The following XYLB variants were observed in gnomAD, a reference collection of about 807,000 sequenced individuals.
The protein encoded by XYLB is xylulokinase.
In XYLB, 62 loss-of-function variants were observed where a neutral mutation model predicts 78.7. That is an observed-to-expected ratio of 0.79 (90% CI 0.64 to 0.97). The LOEUF (loss-of-function observed/expected upper bound fraction) is 0.97, where lower values mean the gene tolerates loss of function less well. Among genes scored for constraint, XYLB ranks in the 50% least tolerant of loss-of-function variants. The probability of loss-of-function intolerance (pLI) is 0.00; values close to 1 mark genes in which losing one functional copy is unlikely to be tolerated. For synonymous variants in XYLB, 245 were observed against 247.4 expected, an observed-to-expected ratio of 0.99 and a Z score of 0.09; for missense variants, 687 against 676.8, an observed-to-expected ratio of 1.02 and a Z score of -0.17.
chr3:38,416,219 T>TA (rs1415539384), downstream of XYLB, among the ~76,000 whole-genome samples: 1 of 151,928 alleles, frequency 6.6e-6, no homozygotes, highest in African/African-American at 2.4e-5. Context: ...AAGAGGAAAA[T>TA]ACAAAGAACT....
chr3:38,449,531 T>C, the XYLB span, among the ~76,000 whole-genome samples: 4 of 152,240 alleles, frequency 2.6e-5, no homozygotes, highest in African/African-American at 9.6e-5. Flanking sequence ...GTGCTGGGAT[T>C]ACAGGCATAA....
chr3:38,386,877 T>G (rs1473466298), intron 15 of XYLB, among the ~76,000 whole-genome samples: 1 of 152,214 alleles, frequency 6.6e-6, no homozygotes, highest in East Asian at 1.9e-4. Context: ...TTTTACTTCA[T>G]ATTAAAATAA....
chr3:38,369,641 C>G (rs1482416144), intron 8 of XYLB, among the ~76,000 whole-genome samples: 1 of 152,138 alleles, frequency 6.6e-6, no homozygotes, highest in East Asian at 1.9e-4. Flanking sequence ...ATCTCAGTGA[C>G]CAGAAGGAAG....
At chr3:38,348,420 T>A in intron 1 of XYLB, 130 bp from the exon 2 acceptor site, 2 of 745,296 alleles carry the variant, frequency 2.7e-6, no homozygotes, top group Non-Finnish European at 4.5e-6. Flanking sequence ...GAGGCAGCCC[T>A]GCCTTCAAGG....
chr3:38,409,058 C>A (rs1019003561), intron 18 of XYLB, among the ~76,000 whole-genome samples: 3 of 152,180 alleles, frequency 2.0e-5, no homozygotes, highest in African/African-American at 7.2e-5. Context: ...CATCCTGATA[C>A]CAAAGCCGGG....
intron 10 of XYLB, 98 bp from the exon 11 acceptor site, chr3:38,374,364 G>T: frequency 6.4e-7 from 1 of 1,560,506 alleles, no homozygotes; most frequent in Non-Finnish European, 8.8e-7. Flanking sequence ...GGTGGGGGTT[G>T]GAGGTGGGGG....
intron 15 of XYLB, among the ~76,000 whole-genome samples, chr3:38,381,010 CCT>C (rs2125615735): frequency 6.6e-6 from 1 of 152,258 alleles, no homozygotes; most frequent in East Asian, 1.9e-4. Context: ...GTGGCTCACA[CCT>C]GTAATCTCCA....
intron 18 of XYLB, among the ~76,000 whole-genome samples, chr3:38,408,044 T>C (rs1708404515): frequency 6.6e-6 from 1 of 151,944 alleles, no homozygotes; most frequent in South Asian, 2.1e-4. Context: ...CTAATAGACA[T>C]CTACAGAACT....
downstream of XYLB, among the ~76,000 whole-genome samples, chr3:38,421,909 C>T (rs1374767087): frequency 1.3e-5 from 2 of 152,138 alleles, no homozygotes; most frequent in Non-Finnish European, 2.9e-5. Context: ...TGAGCAGTGC[C>T]TCGAGCAACC....
intron 18 of XYLB, among the ~76,000 whole-genome samples, chr3:38,402,855 G>C (rs917965224): frequency 2.0e-5 from 3 of 152,104 alleles, no homozygotes; most frequent in Non-Finnish European, 1.5e-5. Flanking sequence ...AACATAATGT[G>C]AGCCACATAT....
At position 38,374,476 on chromosome 3, in the gene XYLB, A is replaced by T; in HGVS notation, c.862A>T (p.Met288Leu). The change falls in exon 11 of 19, where the codon ATG becomes TTG. Residue 288 changes from methionine (M) to leucine (L), a missense_variant. Physicochemically the swap from Met to Leu is conservative, Grantham distance 15. Transcript: ENST00000207870. ...CCCATTCTCAGCGTCGCTGGCAGGCATGAGACTGGAGGAAGGTGACATTGC... is the reference window on the plus strand; with the variant it reads ...CCCATTCTCAGCGTCGCTGGCAGGCTTGAGACTGGAGGAAGGTGACATTGC... ...TGDNPASLAG[M>L]RLEEGDIAVS... 2 of 1,613,518 alleles carry T rather than the reference A, an allele frequency of 1.2e-6. No homozygotes were observed. The highest frequency in any genetic ancestry group is 1.7e-6 in the Non-Finnish European group (2 of 1,179,684).
chr3:38,418,498 A>G (rs1380030070), downstream of XYLB, among the ~76,000 whole-genome samples: 2 of 152,334 alleles, frequency 1.3e-5, no homozygotes, highest in African/African-American at 2.4e-5. Flanking sequence ...ACAAGACAAC[A>G]TATGTATAAG....
At chr3:38,401,931 C>T (rs540199628) in intron 18 of XYLB, among the ~76,000 whole-genome samples, 2 of 152,246 alleles carry the variant, frequency 1.3e-5, no homozygotes, top group Admixed American at 6.5e-5. Context: ...ACCTGACTTG[C>T]AAGCTAACAA....
At chr3:38,365,129 T>C in intron 4 of XYLB, 70 bp from the exon 5 acceptor site, 1 of 1,468,738 alleles carries the variant, frequency 6.8e-7, no homozygotes. Flanking sequence ...GTCTGGGGTC[T>C]TTCTGTGTCT....
intron 6 of XYLB, 136 bp downstream of exon 6, chr3:38,365,872 G>A: frequency 7.3e-7 from 1 of 1,364,640 alleles, no homozygotes; most frequent in Admixed American, 2.8e-5. Flanking sequence ...TCTGGCCCCT[G>A]GGTCCTGATC....
At chr3:38,362,899 T>C in intron 3 of XYLB, 38 bp from the exon 4 acceptor site, 2 of 1,472,478 alleles carry the variant, frequency 1.4e-6, no homozygotes, top group Non-Finnish European at 9.1e-7. Flanking sequence ...GATTCAGTGG[T>C]TCTGTACAGT....
chr3:38,373,193 C>CCTAG (rs1706666290), intron 10 of XYLB, among the ~76,000 whole-genome samples: 1 of 152,174 alleles, frequency 6.6e-6, no homozygotes, highest in African/African-American at 2.4e-5. Context: ...CATCTCCTTC[C>CCTAG]CTAGCCTCTT....
chr3:38,412,571 A>G lies in XYLB; in HGVS notation c.1534-365A>G, dbSNP rs182202599. On this transcript the variant is annotated intron_variant, in intron 18 of 18. Transcript: ENST00000207870. Reference sequence around the variant, plus strand: ...CACCAAAGTAGAATAACTGGGTCCCATACTATGGGCTCCTTAATACAGATA... The same window carrying G: ...CACCAAAGTAGAATAACTGGGTCCCGTACTATGGGCTCCTTAATACAGATA... Among the ~76,000 whole-genome samples the G allele has an allele frequency of 4.6e-5, 7 of 152,326 alleles. No homozygotes were observed. The East Asian group carries it at 1.4e-3, about 29-fold the overall frequency.
In XYLB at chr3:38,351,171, C is replaced by CAAAAAAAAAAAAAAAAAAAAAAAAAA. The variant is rs58457623; in HGVS notation, c.140+2542_140+2567dup. ...TGGACAACAGAGGGAGAGCCTGTCT[C>CAAAAAAAAAAAAAAAAAAAAAAAAAA]AAAAAAAAAAAAAAAAAAAAAAAAA... On this transcript the variant is annotated intron_variant, in intron 2 of 18. Coordinates refer to ENST00000207870, the MANE Select transcript of XYLB (RefSeq NM_005108.4). Among the ~76,000 whole-genome samples, 46 of 23,086 alleles carry CAAAAAAAAAAAAAAAAAAAAAAAAAA rather than the reference C, an allele frequency of 2.0e-3. 7 individuals are homozygous for CAAAAAAAAAAAAAAAAAAAAAAAAAA. The highest frequency in any genetic ancestry group is 3.7e-3 in the Non-Finnish European group (38 of 10,246). The allele number at this position is 23,086 out of a possible 152,430, so 15.1% of individuals were successfully genotyped here.
Sources: allele counts gnomAD v4.1 joint callset (sites outside exome capture counted in the v4.1 genomes callset), GRCh38; gene constraint gnomAD v4.1.1; transcripts MANE v1.5; gene names NCBI Gene and HGNC (gene_info 2026-07-23, HGNC 2026-07-21).